The following ETV5 variants were observed in gnomAD, a reference collection of about 807,000 sequenced individuals.
ETV5 encodes ETS translocation variant 5.
A neutral mutation model predicts 70.0 loss-of-function variants in ETV5; 10 were observed. The observed-to-expected ratio is 0.14, with a 90% confidence interval of 0.09 to 0.24. ETV5 has a LOEUF of 0.24. Among genes scored for constraint, ETV5 ranks in the 10% least tolerant of loss-of-function variants. The pLI is 1.00. For missense variants in ETV5, 453 were observed against 651.2 expected (o/e 0.70, Z 3.31); for synonymous variants, 216 against 242.2 (o/e 0.89, Z 1.01).
At chr3:186,074,804 T>C (rs946201408) in intron 7 of ETV5, among the ~76,000 whole-genome samples, 2 of 139,146 alleles carry the variant, frequency 1.4e-5, no homozygotes, top group Non-Finnish European at 3.0e-5. Flanking sequence ...ATTCCAGCTA[T>C]GCACCCAGAT....
chr3:186,060,474 G>A (rs1358440968), intron 9 of ETV5, among the ~76,000 whole-genome samples: 1 of 152,180 alleles, frequency 6.6e-6, no homozygotes, highest in African/African-American at 2.4e-5. Flanking sequence ...GTGGCAGGAA[G>A]GAAGACCTGT....
At chr3:186,071,002 T>C (rs1713618107) in intron 7 of ETV5, among the ~76,000 whole-genome samples, 1 of 152,246 alleles carries the variant, frequency 6.6e-6, no homozygotes, top group South Asian at 2.1e-4. Context: ...GGTCACAGTT[T>C]AAGGCTTTTT....
intron 7 of ETV5, among the ~76,000 whole-genome samples, chr3:186,074,808 C>A (rs1165050393): frequency 1.3e-5 from 2 of 149,370 alleles, no homozygotes; most frequent in Non-Finnish European, 3.0e-5. Flanking sequence ...CAGCTATGCA[C>A]CCAGATGGCG....
rs1273464914 is a variant in ETV5 at position 186,048,678 on chromosome 3, G to T, written c.1494C>A (p.Arg498=). 2.1e-5 allele frequency: 34 copies of T among 1,614,102 alleles called. No homozygotes were observed. The highest frequency in any genetic ancestry group is 2.8e-5 in the Non-Finnish European group (33 of 1,180,046). Residue 498 remains arginine, a synonymous_variant, in exon 13 of 13, where the codon CGC becomes CGA. Transcript: ENST00000306376. ...DSPAYLLDMD[R]CSSLPYAEGF... ...CTTCGGCATAGGGGAGGCTGCTGCA[G>T]CGGTCCATGTCCAGGAGGTAAGCGG... is the stretch of plus-strand genomic sequence containing the variant.
At chr3:186,048,928 G>C in intron 12 of ETV5, 68 bp from the exon 13 acceptor site, 1 of 1,331,434 alleles carries the variant, frequency 7.5e-7, no homozygotes, top group East Asian at 2.4e-5. Flanking sequence ...AAGAGAACGA[G>C]GTATTCCTAA....
At chr3:186,065,588 G>A (rs1713421100) in intron 8 of ETV5, among the ~76,000 whole-genome samples, 1 of 152,108 alleles carries the variant, frequency 6.6e-6, no homozygotes, top group Admixed American at 6.5e-5. Flanking sequence ...AATGCCTACC[G>A]CACTTCCTAC....
At chr3:186,090,178 C>T (rs899071664) in intron 5 of ETV5, among the ~76,000 whole-genome samples, 6 of 152,188 alleles carry the variant, frequency 3.9e-5, no homozygotes, top group African/African-American at 9.7e-5. Flanking sequence ...CAAAACCATA[C>T]GTCGACAAAT....
At chr3:186,063,418 T>C (rs1713358335) in intron 9 of ETV5, among the ~76,000 whole-genome samples, 1 of 152,238 alleles carries the variant, frequency 6.6e-6, no homozygotes, top group African/African-American at 2.4e-5. Context: ...CCCTAATTAG[T>C]AGGTCAGCAC....
chr3:186,071,333 T>C (rs1713628465), intron 7 of ETV5, among the ~76,000 whole-genome samples: 1 of 152,216 alleles, frequency 6.6e-6, no homozygotes, highest in Non-Finnish European at 1.5e-5. Flanking sequence ...ATGCACTTAG[T>C]ACTTCCGTTA....
chr3:186,054,689 C>A lies in ETV5; in HGVS notation c.1209+2386G>T, dbSNP rs1398497476. ...ACAGCTGCCTACAATTACGTCCCAA[C>A]AGCTTCCTCCTCCGCTTCACCCTTC... On this transcript the variant is annotated intron_variant, in intron 11 of 12. Transcript: ENST00000306376. This position sits in a 1 kb window ranked among gnomAD's most constrained non-coding sequence, Gnocchi z 4.4. 6.6e-6 allele frequency among the ~76,000 whole-genome samples: 1 copy of A among 152,168 alleles called. No homozygotes were observed. The highest frequency in any genetic ancestry group is 1.5e-5 in the Non-Finnish European group (1 of 68,036).
chr3:186,074,985 C>T (rs756239706), intron 7 of ETV5, among the ~76,000 whole-genome samples: 2 of 151,938 alleles, frequency 1.3e-5, no homozygotes, highest in African/African-American at 4.8e-5. Flanking sequence ...ATTTGATCAC[C>T]CCAAAAGAGG....
intron 5 of ETV5, among the ~76,000 whole-genome samples, chr3:186,089,548 C>A (rs1434151722): frequency 6.6e-6 from 1 of 152,178 alleles, no homozygotes; most frequent in Non-Finnish European, 1.5e-5. Flanking sequence ...TGTTCTTTCA[C>A]CACTGTTTTA....
chr3:186,086,710 C>T lies in ETV5; in HGVS notation c.233-5535G>A, dbSNP rs561080525. 2.6e-5 allele frequency among the ~76,000 whole-genome samples: 4 copies of T among 151,686 alleles called. No individual in the cohort carries two copies. In the South Asian group the frequency reaches 8.3e-4, roughly 32 times the overall value. On this transcript the variant is annotated intron_variant, in intron 5 of 12. Transcript: ENST00000306376. ...GTGGCTCATGCCTGTAATCCCAGCA[C>T]TTTGGGAGGCTAAGGTAGGGCAGAT...
In ETV5 at chr3:186,107,822, G is replaced by A. The variant is rs910040524; in HGVS notation, c.-75+1118C>T. On this transcript the variant is annotated intron_variant, in intron 1 of 12. Coordinates refer to ENST00000306376, the MANE Select transcript of ETV5 (RefSeq NM_004454.3). ...GGTAGAGGCTGTAACTGGATCTCTA[G>A]CGCTGGGCCCCATTCACAAAACAAG... Among the ~76,000 whole-genome samples, 69 of 151,988 alleles carry A rather than the reference G, an allele frequency of 4.5e-4. 2 individuals are homozygous for A. The highest frequency in any genetic ancestry group is 8.8e-5 in the Non-Finnish European group (6 of 67,996).
chr3:186,062,404 C>T (rs769153076), intron 9 of ETV5, among the ~76,000 whole-genome samples: 19 of 152,162 alleles, frequency 1.2e-4, no homozygotes, highest in African/African-American at 3.9e-4. Context: ...GGGCAGATCA[C>T]GAGGTCAAGA....
intron 5 of ETV5, among the ~76,000 whole-genome samples, chr3:186,088,628 G>A (rs942176068): frequency 1.3e-5 from 2 of 152,170 alleles, no homozygotes; most frequent in African/African-American, 4.8e-5. Flanking sequence ...AGAACACAGG[G>A]AAAGAAGGTA....
At chr3:186,085,459 T>G in intron 5 of ETV5, among the ~76,000 whole-genome samples, 1 of 151,202 alleles carries the variant, frequency 6.6e-6, no homozygotes, top group Non-Finnish European at 1.5e-5. Flanking sequence ...GATCTCTATT[T>G]CACCTCCATT....
intron 9 of ETV5, 33 bp downstream of exon 9, chr3:186,064,384 G>A: frequency 1.3e-6 from 2 of 1,588,546 alleles, no homozygotes; most frequent in Non-Finnish European, 1.7e-6. Flanking sequence ...AGAGGAGAGA[G>A]GAGAGAAGAG....
At chr3:186,106,237 TAAATAAAATA>T (rs1714584572) in intron 1 of ETV5, among the ~76,000 whole-genome samples, 1 of 151,996 alleles carries the variant, frequency 6.6e-6, no homozygotes, top group Non-Finnish European at 1.5e-5. Flanking sequence ...CAAAAATAAA[TAAATAAAATA>T]AAATAAAAGG....
Sources: allele counts gnomAD v4.1 joint callset (sites outside exome capture counted in the v4.1 genomes callset), GRCh38; gene constraint gnomAD v4.1.1; non-coding constraint Gnocchi (gnomAD v3.1); transcripts MANE v1.5; gene names NCBI Gene and HGNC (gene_info 2026-07-23, HGNC 2026-07-21).